The following MCC variants were observed in gnomAD, a reference collection of about 807,000 sequenced individuals.
MCC encodes the protein colorectal mutant cancer protein.
Under a neutral mutation model 116.2 loss-of-function variants are expected in MCC, and 90 were observed. The ratio of observed to expected loss-of-function variants is 0.77; its 90% confidence interval spans 0.65 to 0.92. MCC has a LOEUF of 0.92. Among genes scored for constraint, MCC ranks in the 40% least tolerant of loss-of-function variants. The probability of loss-of-function intolerance (pLI) is 0.00; values close to 1 mark genes in which losing one functional copy is unlikely to be tolerated. For synonymous variants in MCC, 578 were observed against 510.5 expected, an observed-to-expected ratio of 1.13 and a Z score of -1.78; for missense variants, 1,516 against 1,312.2, an observed-to-expected ratio of 1.16 and a Z score of -2.40.
chr5:113,488,226 C>G lies in MCC; in HGVS notation c.170+19G>C. ...GACTGATCTCGCTCCTGTCGGTTTC[C>G]TCGTACCTCCCCGCGTACCTGCTGA... On this transcript the variant is annotated intron_variant, in intron 1 of 18. Coordinates refer to ENST00000408903, the MANE Select transcript of MCC (RefSeq NM_001085377.2). The G allele has an allele frequency of 6.3e-7, 1 of 1,582,530 alleles. No individual in the cohort carries two copies. The highest frequency in any genetic ancestry group is 2.6e-5 in the East Asian group (1 of 39,100).
chr5:113,085,126 G>C, intron 9 of MCC, 38 bp downstream of exon 9: 1 of 1,613,350 alleles, frequency 6.2e-7, no homozygotes, highest in Non-Finnish European at 8.5e-7. Context: ...GATAACAGGA[G>C]GTGTTCCCGC....
At chr5:113,119,992 GT>G in intron 6 of MCC, among the ~76,000 whole-genome samples, 1 of 152,320 alleles carries the variant, frequency 6.6e-6, no homozygotes, top group South Asian at 2.1e-4. Flanking sequence ...ATGTAAATGT[GT>G]TTATCCTTGC....
intron 3 of MCC, among the ~76,000 whole-genome samples, chr5:113,286,455 C>T (rs1017136072): frequency 6.6e-6 from 1 of 152,210 alleles, no homozygotes; most frequent in Non-Finnish European, 1.5e-5. Flanking sequence ...ATTGAGGTTT[C>T]ATGAAACTTT....
chr5:113,403,886 G>A (rs544075938), intron 1 of MCC, among the ~76,000 whole-genome samples: 1 of 152,018 alleles, frequency 6.6e-6, no homozygotes, highest in South Asian at 2.1e-4. Context: ...CTTTTTTTGA[G>A]ACAGAGTTTC....
intron 3 of MCC, among the ~76,000 whole-genome samples, chr5:113,233,335 CTTAGA>C (rs924123156): frequency 1.3e-5 from 2 of 152,200 alleles, no homozygotes; most frequent in African/African-American, 4.8e-5. Flanking sequence ...CTATAATTAT[CTTAGA>C]TAACTAAATG....
At chr5:113,326,016 G>A (rs66957398) in intron 3 of MCC, among the ~76,000 whole-genome samples, 21,597 of 152,132 alleles carry the variant, frequency 0.14, 2,099 homozygotes, top group Non-Finnish European at 0.2. Context: ...GCAAACACAC[G>A]AATTAGGGTT....
intron 3 of MCC, among the ~76,000 whole-genome samples, chr5:113,215,885 C>G (rs1421476669): frequency 6.6e-6 from 1 of 152,166 alleles, no homozygotes; most frequent in Non-Finnish European, 1.5e-5. Flanking sequence ...TTAGTAAATG[C>G]CTACACTCAG....
intron 3 of MCC, among the ~76,000 whole-genome samples, chr5:113,181,280 C>T (rs187995492): frequency 2.6e-5 from 4 of 152,350 alleles, no homozygotes; most frequent in East Asian, 1.9e-4. Context: ...TAGACCACCA[C>T]TATCGGTCAG....
chr5:113,285,011 A>G (rs945576901), intron 3 of MCC, among the ~76,000 whole-genome samples: 3 of 152,250 alleles, frequency 2.0e-5, no homozygotes, highest in Admixed American at 2.0e-4. Flanking sequence ...AGCAATTTTC[A>G]AATCATTCTT....
chr5:113,138,259 C>T (rs1758958055), intron 5 of MCC, among the ~76,000 whole-genome samples: 1 of 152,198 alleles, frequency 6.6e-6, no homozygotes, highest in African/African-American at 2.4e-5. Context: ...GATCTGCCTG[C>T]CTCAGCCTCC....
At chr5:113,130,124 GC>G (rs1226987110) in intron 5 of MCC, among the ~76,000 whole-genome samples, 3 of 152,252 alleles carry the variant, frequency 2.0e-5, no homozygotes, top group African/African-American at 7.2e-5. Context: ...AAAAAATGTG[GC>G]ACATATATAC....
intron 1 of MCC, among the ~76,000 whole-genome samples, chr5:113,430,986 G>A (rs891761131): frequency 3.3e-5 from 5 of 152,184 alleles, no homozygotes; most frequent in African/African-American, 1.2e-4. Flanking sequence ...GGTAGGAAGA[G>A]CAATGGTCTA....
intron 3 of MCC, among the ~76,000 whole-genome samples, chr5:113,334,948 T>G (rs1033546829): frequency 2.6e-5 from 4 of 151,696 alleles, no homozygotes; most frequent in African/African-American, 7.3e-5. Flanking sequence ...TTAGCCCTTT[T>G]CTCAAAATTC....
At chr5:113,259,076 T>C (rs933336515) in intron 3 of MCC, among the ~76,000 whole-genome samples, 2 of 152,214 alleles carry the variant, frequency 1.3e-5, no homozygotes, top group African/African-American at 4.8e-5. Flanking sequence ...AACCCACCCA[T>C]ATTTTTATAA....
chr5:113,482,426 T>A (rs963175879), intron 1 of MCC, among the ~76,000 whole-genome samples: 1 of 151,392 alleles, frequency 6.6e-6, no homozygotes, highest in Non-Finnish European at 1.5e-5. Context: ...ACACTTATTA[T>A]CTGACTTGTT....
intron 3 of MCC, among the ~76,000 whole-genome samples, chr5:113,243,610 A>T (rs563495263): frequency 6.6e-6 from 1 of 152,354 alleles, no homozygotes; most frequent in Non-Finnish European, 1.5e-5. Flanking sequence ...AAATGTTGGA[A>T]GCCAGGCCAA....
intron 3 of MCC, among the ~76,000 whole-genome samples, chr5:113,308,813 AAAAG>A (rs541989714): frequency 1.7e-3 from 258 of 152,188 alleles, no homozygotes; most frequent in African/African-American, 5.4e-3. Context: ...CCTGCAAAAA[AAAAG>A]AAAGAAAGAA....
At chr5:113,408,607 C>A (rs1021906905) in intron 1 of MCC, among the ~76,000 whole-genome samples, 7 of 152,164 alleles carry the variant, frequency 4.6e-5, no homozygotes, top group Non-Finnish European at 7.3e-5. Flanking sequence ...GACCTGGGAA[C>A]TGGTTAGAAA....
chr5:113,075,305 G>T (rs1754356446), intron 11 of MCC, among the ~76,000 whole-genome samples: 1 of 152,222 alleles, frequency 6.6e-6, no homozygotes, highest in South Asian at 2.1e-4. Flanking sequence ...AGCCTACCAT[G>T]CCCGAGCCCC....
Sources: allele counts gnomAD v4.1 joint callset (sites outside exome capture counted in the v4.1 genomes callset), GRCh38; gene constraint gnomAD v4.1.1; transcripts MANE v1.5; gene names NCBI Gene and HGNC (gene_info 2026-07-23, HGNC 2026-07-21).